The following SCAPER variants were observed in gnomAD, a reference collection of about 807,000 sequenced individuals.
SCAPER encodes S phase cyclin A-associated protein in the endoplasmic reticulum.
A neutral mutation model predicts 182.2 loss-of-function variants in SCAPER; 98 were observed. That is an observed-to-expected ratio of 0.54 (90% CI 0.46 to 0.64). The LOEUF is 0.64. Ranked by LOEUF, SCAPER falls within the 30% of genes least tolerant of loss-of-function variation. SCAPER has a pLI of 0.00. For missense variants in SCAPER, 1,432 were observed against 1,690.0 expected, an observed-to-expected ratio of 0.85 and a Z score of 2.68; for synonymous variants, 605 against 564.6, an observed-to-expected ratio of 1.07 and a Z score of -1.01.
At chr15:76,801,768 A>C (rs1326074022) in intron 6 of SCAPER, among the ~76,000 whole-genome samples, 2 of 152,186 alleles carry the variant, frequency 1.3e-5, no homozygotes, top group East Asian at 3.9e-4. Context: ...AAAAATACAA[A>C]AATTAGCTGG....
intron 16 of SCAPER, 27 bp downstream of exon 16, chr15:76,733,202 A>G (rs2061031349): frequency 1.3e-6 from 2 of 1,549,630 alleles, no homozygotes; most frequent in African/African-American, 1.4e-5. Context: ...GTGCTCAAGC[A>G]ATGTTTGCTG....
chr15:76,820,886 A>G (rs2067489148), intron 5 of SCAPER, among the ~76,000 whole-genome samples: 1 of 152,220 alleles, frequency 6.6e-6, no homozygotes, highest in South Asian at 2.1e-4. Flanking sequence ...GCTCCACATC[A>G]TAAGTCATCA....
intron 20 of SCAPER, among the ~76,000 whole-genome samples, chr15:76,694,089 T>A (rs920733025): frequency 6.6e-6 from 1 of 152,034 alleles, no homozygotes; most frequent in Non-Finnish European, 1.5e-5. Flanking sequence ...TTTTTGTGAT[T>A]CCATACAAAT....
chr15:76,631,031 CTCAT>C (rs547954395), intron 21 of SCAPER, among the ~76,000 whole-genome samples: 7 of 152,132 alleles, frequency 4.6e-5, no homozygotes, highest in Non-Finnish European at 7.4e-5. Flanking sequence ...GTTGAATTGA[CTCAT>C]TTATCATTAT....
At chr15:76,818,849 G>A (rs1012607583) in intron 5 of SCAPER, among the ~76,000 whole-genome samples, 1 of 152,232 alleles carries the variant, frequency 6.6e-6, no homozygotes, top group African/African-American at 2.4e-5. Context: ...CAAAGAAAGG[G>A]GTGACAGACG....
chr15:76,711,784 GTT>G (rs2059589002), intron 17 of SCAPER, among the ~76,000 whole-genome samples: 2 of 151,946 alleles, frequency 1.3e-5, no homozygotes, highest in Non-Finnish European at 2.9e-5. Context: ...TGATGGGGTT[GTT>G]TGTTTTTTTC....
chr15:76,403,695 C>T (rs1174466470), intron 27 of SCAPER, among the ~76,000 whole-genome samples: 1 of 152,118 alleles, frequency 6.6e-6, no homozygotes, highest in African/African-American at 2.4e-5. Flanking sequence ...ATAGGTAATA[C>T]ATATGTGCTG....
At chr15:76,505,030 C>A in intron 23 of SCAPER, 56 bp from the exon 24 acceptor site, 2 of 1,209,902 alleles carry the variant, frequency 1.7e-6, no homozygotes, top group Non-Finnish European at 1.2e-6. Flanking sequence ...AAACTATAAC[C>A]AAATGATATC....
At chr15:76,495,577 CAAAAAAAAAAAAAAA>C (rs71444987) in intron 24 of SCAPER, among the ~76,000 whole-genome samples, 6 of 56,968 alleles carry the variant, frequency 1.1e-4, no homozygotes, top group African/African-American at 4.3e-4. Flanking sequence ...GACTTGGTCT[CAAAAAAAAAAAAAAA>C]AAAAAAAAAG....
chr15:76,495,993 GACACACACACACACAC>G (rs971206080), intron 24 of SCAPER, among the ~76,000 whole-genome samples: 4 of 58,462 alleles, frequency 6.8e-5, no homozygotes, highest in African/African-American at 2.3e-4. Flanking sequence ...AAAAGAGAGA[GACACACACACACACAC>G]ACACACACAC....
rs74368852 is a variant in SCAPER at position 76,577,170 on chromosome 15, G to C, written c.2712-2886C>G. Among the ~76,000 whole-genome samples, 1,385 of 152,178 alleles carry C rather than the reference G, an allele frequency of 9.1e-3. 7 individuals are homozygous for C. Among genetic ancestry groups the C allele is most frequent in the Non-Finnish European group, 0.014 (978 of 68,010 alleles). Reference sequence around the variant, plus strand: ...AAGACTAAAGAGGACTCTGTGCCAGGCACAGTGGCTCATACCTATAATCCC... The same window carrying C: ...AAGACTAAAGAGGACTCTGTGCCAGCCACAGTGGCTCATACCTATAATCCC... On this transcript the variant is annotated intron_variant, in intron 22 of 31. Transcript: ENST00000563290.
At chr15:76,854,314 A>G (rs995588882) in intron 4 of SCAPER, among the ~76,000 whole-genome samples, 13 of 152,042 alleles carry the variant, frequency 8.6e-5, no homozygotes, top group Admixed American at 6.6e-5. Flanking sequence ...ATACACAACA[A>G]CAGCCAAGCC....
chr15:76,366,316 G>C (rs1351672776), intron 29 of SCAPER, among the ~76,000 whole-genome samples: 1 of 152,096 alleles, frequency 6.6e-6, no homozygotes, highest in Non-Finnish European at 1.5e-5. Context: ...AGAACAGGAG[G>C]GTTAATAAAT....
intron 5 of SCAPER, among the ~76,000 whole-genome samples, chr15:76,835,448 T>C (rs1257332416): frequency 6.6e-6 from 1 of 152,098 alleles, no homozygotes; most frequent in East Asian, 1.9e-4. Flanking sequence ...AAAAACCACA[T>C]GAGCATCTCA....
chr15:76,417,574 G>C (rs985409389), intron 26 of SCAPER, among the ~76,000 whole-genome samples: 1 of 152,216 alleles, frequency 6.6e-6, no homozygotes, highest in South Asian at 2.1e-4. Flanking sequence ...CCTTTGGGTG[G>C]ACAGATAATG....
chr15:76,391,398 G>A (rs979187405), intron 27 of SCAPER, among the ~76,000 whole-genome samples: 2 of 152,172 alleles, frequency 1.3e-5, no homozygotes, highest in Non-Finnish European at 2.9e-5. Context: ...TTTCATCAGA[G>A]TGGTATCTTG....
chr15:76,579,538 A>G (rs2048114562), intron 22 of SCAPER, among the ~76,000 whole-genome samples: 1 of 146,870 alleles, frequency 6.8e-6, no homozygotes, highest in South Asian at 2.1e-4. Context: ...AAGATTCATA[A>G]AAAAAAAAAT....
At chr15:76,864,118 T>C (rs528051682) in intron 2 of SCAPER, among the ~76,000 whole-genome samples, 25 of 152,298 alleles carry the variant, frequency 1.6e-4, no homozygotes, top group African/African-American at 5.5e-4. Context: ...AGGAACTAGA[T>C]GAATGCACCC....
intron 5 of SCAPER, among the ~76,000 whole-genome samples, chr15:76,828,610 A>C (rs2068202058): frequency 6.6e-6 from 1 of 152,196 alleles, no homozygotes; most frequent in African/African-American, 2.4e-5. Flanking sequence ...CAAACAGTAA[A>C]ATTTTACTGT....
Sources: allele counts gnomAD v4.1 joint callset (sites outside exome capture counted in the v4.1 genomes callset), GRCh38; gene constraint gnomAD v4.1.1; transcripts MANE v1.5; gene names NCBI Gene and HGNC (gene_info 2026-07-23, HGNC 2026-07-21).